Variants in PCDHGA2 observed in about 807,000 individuals in gnomAD.
PCDHGA2 encodes protocadherin gamma-A2.
In PCDHGA2, 40 loss-of-function variants were observed where a neutral mutation model predicts 59.2. The observed-to-expected ratio is 0.68, with a 90% CI of 0.52 to 0.88. PCDHGA2 has a LOEUF of 0.88. Among genes scored for constraint, PCDHGA2 ranks in the 40% least tolerant of loss-of-function variants. The pLI, the probability that PCDHGA2 is intolerant of heterozygous loss-of-function variation, is 0.00. For synonymous variants in PCDHGA2, 560 were observed against 526.0 expected (o/e 1.06, Z -0.89); for missense variants, 1,226 against 1,204.0 (o/e 1.02, Z -0.27).
chr5:141,372,297 A>G, intron 1 of PCDHGA2: 1 of 1,613,298 alleles, frequency 6.2e-7, no homozygotes, highest in South Asian at 1.1e-5. Context: ...CTTGGGCGAC[A>G]GGGAGGCCGC....
intron 1 of PCDHGA2, among the ~76,000 whole-genome samples, chr5:141,368,397 A>C (rs1389287908): frequency 1.3e-5 from 2 of 152,166 alleles, no homozygotes; most frequent in African/African-American, 4.8e-5. Flanking sequence ...ACACACAAAC[A>C]CACATACATA....
intron 1 of PCDHGA2, among the ~76,000 whole-genome samples, chr5:141,438,609 T>TATAC (rs2098013849): frequency 2.4e-5 from 1 of 41,118 alleles, no homozygotes; most frequent in Non-Finnish European, 3.9e-5. Context: ...TATATATATA[T>TATAC]ATATATATAT....
rs2099692694 is a variant in PCDHGA2, at chr5:141,489,817, GAGCTGGTGCTAGAGCAGC to G, written c.2425-4983_2425-4966del. On this transcript the variant is annotated intron_variant, in intron 1 of 3. Transcript: ENST00000394576. This position sits in a 1 kb window ranked among gnomAD's most constrained non-coding sequence, Gnocchi z 4.5. ...CCTAAAAGATGGGAAGCCATTCCCA[GAGCTGGTGCTAGAGCAGC>G]AGCTGGATCGTGAAGCCCAGGCAAG... 6 of 1,613,992 alleles carry G rather than the reference GAGCTGGTGCTAGAGCAGC, an allele frequency of 3.7e-6. No individual in the cohort carries two copies. Among genetic ancestry groups the G allele is most frequent in the Non-Finnish European group, 5.1e-6 (6 of 1,179,944 alleles).
In PCDHGA2 at chr5:141,511,358, G is replaced by GT; in HGVS notation, c.*187dup. 1 of 1,355,398 alleles carries GT rather than the reference G, an allele frequency of 7.4e-7. No homozygotes were observed. Among genetic ancestry groups the GT allele is most frequent in the South Asian group, 1.5e-5 (1 of 66,198 alleles). 84.0% of individuals were successfully genotyped at this position (1,355,398 alleles called of 1,614,324 possible). On this transcript the variant is annotated 3_prime_UTR_variant, in exon 4 of 4. Transcript: ENST00000394576. ...GCACCTACCCCTTCCCCCCCAGGGG[G>GT]TTGAATATGCAAAAGCAGTTCCGCT...
At chr5:141,361,594 G>A in intron 1 of PCDHGA2, 1 of 1,614,056 alleles carries the variant, frequency 6.2e-7, no homozygotes, top group East Asian at 2.2e-5. Flanking sequence ...CAGTGGCCAA[G>A]TTTCCTACTC....
chr5:141,430,635 T>A, intron 1 of PCDHGA2: 3 of 881,948 alleles, frequency 3.4e-6, no homozygotes, highest in Non-Finnish European at 5.0e-6. Flanking sequence ...GAACCATCCC[T>A]GGGAGTATGT....
chr5:141,351,909 A>T, intron 1 of PCDHGA2: 1 of 1,613,304 alleles, frequency 6.2e-7, no homozygotes, highest in Non-Finnish European at 8.5e-7. Flanking sequence ...TTGGTGGGCG[A>T]CCTCAATGAC....
intron 1 of PCDHGA2, chr5:141,413,378 T>G (rs2095632557): frequency 6.2e-7 from 1 of 1,613,616 alleles, no homozygotes; most frequent in Non-Finnish European, 8.5e-7. Context: ...GAGCGCGGAG[T>G]CCGCATAGTC....
chr5:141,376,317 G>A, intron 1 of PCDHGA2: 1 of 1,614,202 alleles, frequency 6.2e-7, no homozygotes, highest in East Asian at 2.2e-5. Flanking sequence ...GGCGTGGAAG[G>A]GGTTCGGGCT....
At chr5:141,370,663 T>C (rs1319897209) in intron 1 of PCDHGA2, 1 of 1,613,900 alleles carries the variant, frequency 6.2e-7, no homozygotes, top group East Asian at 2.2e-5. Flanking sequence ...AGCGACCGTA[T>C]AGACCGAGAG....
intron 1 of PCDHGA2, chr5:141,422,655 C>G (rs188587553): frequency 1.2e-6 from 2 of 1,610,122 alleles, no homozygotes; most frequent in South Asian, 2.2e-5. Context: ...TCTCAGTGAC[C>G]GCCCTCGACC....
chr5:141,434,072 A>G lies in PCDHGA2; in HGVS notation c.2425-60735A>G, dbSNP rs558084143. On this transcript the variant is annotated intron_variant, in intron 1 of 3. Coordinates refer to ENST00000394576, the MANE Select transcript of PCDHGA2 (RefSeq NM_018915.4). ...CAATGGCCTGTAATCTGTTAATATC[A>G]ATTATTTATTTTGATGCTGAAATTG... Among the ~76,000 whole-genome samples the G allele has an allele frequency of 1.9e-3, 289 of 152,072 alleles. 1 individual carries two copies. Among genetic ancestry groups the G allele is most frequent in the African/African-American group, 6.7e-3 (276 of 41,486 alleles).
intron 1 of PCDHGA2, among the ~76,000 whole-genome samples, chr5:141,454,170 G>A (rs2098782662): frequency 6.6e-6 from 1 of 152,162 alleles, no homozygotes; most frequent in Admixed American, 6.5e-5. Context: ...TCTCTAGAAG[G>A]GCAGCTAAAG....
rs776176122 is a variant in PCDHGA2, at chr5:141,408,982, T to C, written c.2424+67587T>C. 124 of 1,613,830 alleles carry C rather than the reference T, an allele frequency of 7.7e-5. 1 individual carries two copies. Among genetic ancestry groups the C allele is most frequent in the Admixed American group, 3.7e-4 (22 of 59,994 alleles). ...GTGAAAATCTGCCCCCTGGGTCCCC[T>C]GTGTTGCAAGTGACAGCCACTGACC... On this transcript the variant is annotated intron_variant, in intron 1 of 3. Transcript: ENST00000394576.
At chr5:141,347,177 T>C (rs10477146) in intron 1 of PCDHGA2, among the ~76,000 whole-genome samples, 78 of 147,210 alleles carry the variant, frequency 5.3e-4, no homozygotes, top group African/African-American at 1.9e-3. Context: ...CTTTCTTTCT[T>C]TCTTGACAGG....
At chr5:141,394,060 C>T (rs1437765710) in intron 1 of PCDHGA2, 1 of 1,613,662 alleles carries the variant, frequency 6.2e-7, no homozygotes, top group Non-Finnish European at 8.5e-7. Context: ...GAAAATGTCT[C>T]TATCTACAAT....
At chr5:141,484,347 T>C (rs569724902) in intron 1 of PCDHGA2, among the ~76,000 whole-genome samples, 2 of 152,302 alleles carry the variant, frequency 1.3e-5, no homozygotes, top group East Asian at 1.9e-4. Flanking sequence ...AATGGTAATT[T>C]AGTGTATCTA....
At chr5:141,451,624 G>A (rs1016417101) in intron 1 of PCDHGA2, among the ~76,000 whole-genome samples, 3 of 152,150 alleles carry the variant, frequency 2.0e-5, no homozygotes, top group African/African-American at 7.2e-5. Context: ...GCTCAAACCT[G>A]TAATTCCAGC....
At chr5:141,500,295 G>A (rs911106966) in intron 2 of PCDHGA2, among the ~76,000 whole-genome samples, 2 of 151,282 alleles carry the variant, frequency 1.3e-5, no homozygotes, top group African/African-American at 4.9e-5. Flanking sequence ...TGCAAGCTCC[G>A]CCTCCCAGGT....
Sources: gnomAD v4.1 joint callset for allele counts (sites outside exome capture counted in the v4.1 genomes callset) on GRCh38, gnomAD v4.1.1 for gene constraint, Gnocchi (gnomAD v3.1) non-coding constraint, MANE v1.5 for transcripts, NCBI Gene and HGNC (gene_info 2026-07-23, HGNC 2026-07-21) for gene names.